KLRC2: variants seen among roughly 807,000 people sequenced by gnomAD.
KLRC2 encodes NKG2-C type II integral membrane protein.
Under a neutral mutation model 25.5 loss-of-function variants are expected in KLRC2, and 10 were observed. That is an observed-to-expected ratio of 0.39 (90% CI 0.24 to 0.67). The LOEUF is 0.67. Among genes scored for constraint, KLRC2 ranks in the 30% least tolerant of loss-of-function variants. The pLI, the probability that KLRC2 is intolerant of heterozygous loss-of-function variation, is 0.45. For missense variants in KLRC2, 170 were observed against 272.8 expected (o/e 0.62, Z 2.65); for synonymous variants, 48 against 93.3 (o/e 0.51, Z 2.80).
At position 10,431,139 on chromosome 12, in the gene KLRC2, T is replaced by C. The variant is rs370935307; in HGVS notation, c.674A>G (p.Tyr225Cys). 4 of 1,537,870 alleles carry C rather than the reference T, an allele frequency of 2.6e-6. No homozygotes were observed. The highest frequency in any genetic ancestry group is 3.6e-6 in the Non-Finnish European group (4 of 1,125,296). Residue 225 changes from tyrosine to cysteine, a missense_variant, in exon 6 of 6, where the codon TAT becomes TGT. Tyr to Cys is a radical substitution (Grantham distance 194). This residue lies in a region of KLRC2 where 129 missense variants were observed against 150.2 expected (regional missense o/e 0.86). Coordinates refer to ENST00000381902, the MANE Select transcript of KLRC2 (RefSeq NM_002260.4). ...CTTCTAAAGCTTATGCTTACAATGA[T>C]ATATCATTGAAGATCCACACTGGGC... Reference protein sequence around the residue: ...KSAQCGSSMIYHCKHKL With the variant: ...KSAQCGSSMICHCKHKL
intron 4 of KLRC2, among the ~76,000 whole-genome samples, chr12:10,433,246 A>G (rs1863833808): frequency 7.0e-6 from 1 of 142,252 alleles, no homozygotes; most frequent in South Asian, 2.2e-4. Context: ...TACTACTGAT[A>G]ACTGCAATAA....
At chr12:10,433,546 G>A (rs1458197362) in intron 4 of KLRC2, among the ~76,000 whole-genome samples, 1 of 141,592 alleles carries the variant, frequency 7.1e-6, no homozygotes, top group Non-Finnish European at 1.5e-5. Flanking sequence ...AAATTAGATA[G>A]CAAAATTTAT....
At position 10,430,848 on chromosome 12, in the gene KLRC2, C is replaced by G. The variant is rs1189798070; in HGVS notation, c.*269G>C. On this transcript the variant is annotated 3_prime_UTR_variant, in exon 6 of 6. Coordinates refer to ENST00000381902, the MANE Select transcript of KLRC2 (RefSeq NM_002260.4). ...TTCTGTCTCCATGGGTTTGACTGTT[C>G]TTGGTACTTCCTATAAGCTGACTCA... 4 of 535,602 alleles carry G rather than the reference C, an allele frequency of 7.5e-6. No homozygotes were observed. The highest frequency in any genetic ancestry group is 1.1e-5 in the Non-Finnish European group (4 of 378,278). 33.2% of individuals were successfully genotyped at this position (535,602 alleles called of 1,614,324 possible).
chr12:10,432,293 C>T, intron 4 of KLRC2, 87 bp from the exon 5 acceptor site: 1 of 859,648 alleles, frequency 1.2e-6, no homozygotes, highest in Non-Finnish European at 1.6e-6. Flanking sequence ...CCACTATTTG[C>T]AGTGCCAAAA....
intron 3 of KLRC2, 85 bp from the exon 4 acceptor site, chr12:10,434,027 A>G (rs1863843203): frequency 6.8e-7 from 1 of 1,475,260 alleles, no homozygotes; most frequent in Non-Finnish European, 9.1e-7. Context: ...GTATAAACAT[A>G]TATGTGCTTA....
chr12:10,431,049 A>C lies in KLRC2; in HGVS notation c.*68T>G. 2 of 1,224,754 alleles carry C rather than the reference A, an allele frequency of 1.6e-6. No individual in the cohort carries two copies. The highest frequency in any genetic ancestry group is 2.3e-6 in the Non-Finnish European group (2 of 885,552). The allele number at this position is 1,224,754 out of a possible 1,614,324, so 75.9% of individuals were successfully genotyped here. A position where few individuals can be genotyped will look rare whatever the true frequency, so the allele number is the denominator to read the frequency against. ...CATAATTCATTTTCAGATTTATGCA[A>C]TCATAATATTTCTATTTTAAGAAAT... On this transcript the variant is annotated 3_prime_UTR_variant, in exon 6 of 6. Transcript: ENST00000381902.
At position 10,431,173 on chromosome 12, in the gene KLRC2, G is replaced by A. The variant is rs752155237; in HGVS notation, c.640C>T (p.Leu214Phe). ...LNCAVLQVNR[L>F]KSAQCGSSMI... ...GAAGATCCACACTGGGCTGATTTAAGTCGATTTACTTGTAGCACTGCACAG... is the reference window on the plus strand; with the variant it reads ...GAAGATCCACACTGGGCTGATTTAAATCGATTTACTTGTAGCACTGCACAG... The change falls in exon 6 of 6, where the codon CTT (leucine) becomes TTT (phenylalanine). Residue 214 changes from leucine to phenylalanine, a missense_variant. This residue lies in a region of KLRC2 where 129 missense variants were observed against 150.2 expected (regional missense o/e 0.86). Transcript: ENST00000381902. 12 of 1,549,270 alleles carry A rather than the reference G, an allele frequency of 7.7e-6. No homozygotes were observed. Among genetic ancestry groups the A allele is most frequent in the Admixed American group, 1.7e-5 (1 of 58,568 alleles).
At chr12:10,434,776 T>G (rs1273113652) in intron 2 of KLRC2, among the ~76,000 whole-genome samples, 3 of 152,088 alleles carry the variant, frequency 2.0e-5, no homozygotes, top group Non-Finnish European at 4.4e-5. Flanking sequence ...ATTAATTTGT[T>G]TTTCTAAATA....
Position 10,432,218 on chromosome 12 carries a change from G to T in KLRC2, c.484-12C>A, listed in dbSNP as rs1300336107. ...CTGGCCAGAAATTTCTAAAAGAAAA[G>T]AAATAATTTTCACTTAAATAATAAT... On this transcript the variant is annotated splice_polypyrimidine_tract_variant and intron_variant, in intron 4 of 5. Transcript: ENST00000381902. The T allele has an allele frequency of 3.0e-6, 4 of 1,333,548 alleles. No individual in the cohort carries two copies. The African/African-American group carries it at 6.8e-5, about 23-fold the overall frequency. 82.6% of individuals were successfully genotyped at this position (1,333,548 alleles called of 1,614,324 possible). A position where few individuals can be genotyped will look rare whatever the true frequency, so the allele number is the denominator to read the frequency against.
intron 3 of KLRC2, 22 bp downstream of exon 3, chr12:10,434,464 A>G (rs1355510142): frequency 6.4e-7 from 1 of 1,563,358 alleles, no homozygotes; most frequent in African/African-American, 1.4e-5. Context: ...CTAATATCAG[A>G]ACATTGAAAA....
rs151003297 is a variant in KLRC2 at position 10,430,627 on chromosome 12, G to C, written c.*490C>G. 2.8e-4 allele frequency: 40 copies of C among 140,954 alleles called. 7 individuals carry two copies. Among genetic ancestry groups the C allele is most frequent in the African/African-American group, 1.0e-3 (38 of 36,662 alleles). The allele number at this position is 140,954 out of a possible 1,614,324, so 8.7% of individuals were successfully genotyped here. ...TTTTTTTCTGGATAGCTTTATTGAA[G>C]TGTCATGTACAAAGCATACATTTCA... On this transcript the variant is annotated 3_prime_UTR_variant, in exon 6 of 6. Coordinates refer to ENST00000381902, the MANE Select transcript of KLRC2 (RefSeq NM_002260.4).
Position 10,433,830 on chromosome 12 carries a change from C to T in KLRC2, c.444G>A (p.Lys148=). The change falls in exon 4 of 6, where the codon AAG becomes AAA. Residue 148 remains lysine, a synonymous_variant. Transcript: ENST00000381902. ...TATCTATAGAAAGCAGACTGGAGTT[C>T]TTCGAAGTACAGGCCAGCAAACTCT... ...WEESLLACTS[K]NSSLLSIDNE... The T allele has an allele frequency of 6.5e-7, 1 of 1,550,186 alleles. No individual in the cohort carries two copies. Among genetic ancestry groups the T allele is most frequent in the Non-Finnish European group, 8.8e-7 (1 of 1,136,104 alleles).
chr12:10,433,697 A>T (rs767909930), intron 4 of KLRC2, 94 bp downstream of exon 4: 3 of 1,269,292 alleles, frequency 2.4e-6, no homozygotes, highest in Non-Finnish European at 3.3e-6. Flanking sequence ...AATATATGAG[A>T]TAAATATATG....
chr12:10,434,070 G>A (rs1179834275), intron 3 of KLRC2, 128 bp from the exon 4 acceptor site: 2 of 1,336,290 alleles, frequency 1.5e-6, no homozygotes, highest in Non-Finnish European at 2.0e-6. Flanking sequence ...GCTTATAAAT[G>A]TATATTTTTA....
chr12:10,431,702 T>C lies in KLRC2; in HGVS notation c.584+404A>G, dbSNP rs371021681. On this transcript the variant is annotated intron_variant, in intron 5 of 5. Coordinates refer to ENST00000381902, the MANE Select transcript of KLRC2 (RefSeq NM_002260.4). ...TCGAGGTTGTCCAACTCGCTGCCCA[T>C]GGGCCGCACGTGACCCAGGACAGCT... 5.6e-5 allele frequency among the ~76,000 whole-genome samples: 8 copies of C among 141,854 alleles called. 2 individuals carry two copies. The highest frequency in any genetic ancestry group is 2.1e-4 in the East Asian group (1 of 4,766). The allele number at this position is 141,854 out of a possible 152,430, so 93.1% of individuals were successfully genotyped here.
At position 10,433,930 on chromosome 12, in the gene KLRC2, C is replaced by A. The variant is rs369183169; in HGVS notation, c.344G>T (p.Gly115Val). The change falls in exon 4 of 6, where the codon GGC becomes GTC. Residue 115 changes from glycine to valine, a missense_variant. Coordinates refer to ENST00000381902, the MANE Select transcript of KLRC2 (RefSeq NM_002260.4). ...NTRTQKARHC[G>V]HCPEEWITYS... ...TGTAATCCACTCCTCAGGACAATGGCCACAATGACGTGCTAATAAAGATAT... is the reference window on the plus strand; with the variant it reads ...TGTAATCCACTCCTCAGGACAATGGACACAATGACGTGCTAATAAAGATAT... 12 of 1,547,000 alleles carry A rather than the reference C, an allele frequency of 7.8e-6. 1 individual carries two copies. The highest frequency in any genetic ancestry group is 1.7e-5 in the Admixed American group (1 of 57,984).
chr12:10,434,756 A>G (rs1308472190), intron 2 of KLRC2, among the ~76,000 whole-genome samples: 18 of 152,014 alleles, frequency 1.2e-4, no homozygotes, highest in African/African-American at 4.4e-4. Flanking sequence ...TGATGTAACC[A>G]CTTTCAAAAA....
chr12:10,433,704 T>A lies in KLRC2; in HGVS notation c.483+87A>T. Reference sequence around the variant, plus strand: ...CACTTGAAAATATATGAGATAAATATATGTACACACATATGGATGTTTTCT... The same window carrying A: ...CACTTGAAAATATATGAGATAAATAAATGTACACACATATGGATGTTTTCT... On this transcript the variant is annotated intron_variant, in intron 4 of 5. Transcript: ENST00000381902. 3 of 1,305,536 alleles carry A rather than the reference T, an allele frequency of 2.3e-6. 1 individual carries two copies. In the South Asian group the frequency reaches 3.9e-5, roughly 17 times the overall value. The allele number at this position is 1,305,536 out of a possible 1,614,324, so 80.9% of individuals were successfully genotyped here. A position where few individuals can be genotyped will look rare whatever the true frequency, so the allele number is the denominator to read the frequency against.
At chr12:10,431,355 G>A in intron 5 of KLRC2, 127 bp from the exon 6 acceptor site, 2 of 1,148,554 alleles carry the variant, frequency 1.7e-6, no homozygotes, top group Non-Finnish European at 2.5e-6. Flanking sequence ...CATAATATTA[G>A]TAAGAGTCAT....
Sources: allele counts gnomAD v4.1 joint callset (sites outside exome capture counted in the v4.1 genomes callset), GRCh38; gene constraint gnomAD v4.1.1; regional missense constraint gnomAD v4.1.1; transcripts MANE v1.5; gene names NCBI Gene and HGNC (gene_info 2026-07-23, HGNC 2026-07-21).